GPC6: variants seen among roughly 807,000 people sequenced by gnomAD.
GPC6 encodes glypican 6.
In GPC6, 14 loss-of-function variants were observed where a neutral mutation model predicts 55.2. The ratio of observed to expected loss-of-function variants is 0.25; its 90% CI spans 0.17 to 0.40. The LOEUF (loss-of-function observed/expected upper bound fraction) is 0.40, where lower values mean the gene tolerates loss of function less well. Ranked by LOEUF, GPC6 falls within the 10% of genes least tolerant of loss-of-function variation. GPC6 has a pLI of 1.00. For synonymous variants in GPC6, 278 were observed against 259.6 expected, an observed-to-expected ratio of 1.07 and a Z score of -0.68; for missense variants, 641 against 708.5, an observed-to-expected ratio of 0.90 and a Z score of 1.08.
chr13:93,789,635 A>ATATATATAG, intron 2 of GPC6, among the ~76,000 whole-genome samples: 1 of 96,906 alleles, frequency 1.0e-5, no homozygotes, highest in African/African-American at 3.7e-5. Context: ...ATATATATAT[A>ATATATATAG]TATATATATA....
chr13:94,214,214 T>G (rs540899817), intron 4 of GPC6, among the ~76,000 whole-genome samples: 394 of 152,344 alleles, frequency 2.6e-3, no homozygotes, highest in African/African-American at 9.3e-3. Flanking sequence ...TCAGTTGTTC[T>G]GTTCCAAATG....
intron 4 of GPC6, among the ~76,000 whole-genome samples, chr13:94,052,413 A>G (rs555481237): frequency 1.3e-5 from 2 of 152,266 alleles, no homozygotes; most frequent in Admixed American, 1.3e-4. Context: ...GCCTAACGGT[A>G]TCATTATTGA....
At chr13:93,718,189 A>G (rs1207681202) in intron 2 of GPC6, among the ~76,000 whole-genome samples, 1 of 151,784 alleles carries the variant, frequency 6.6e-6, no homozygotes, top group African/African-American at 2.4e-5. Flanking sequence ...TTGCCACACT[A>G]TCTTCCACAA....
At chr13:93,454,861 G>A (rs1012610056) in intron 1 of GPC6, among the ~76,000 whole-genome samples, 1 of 152,250 alleles carries the variant, frequency 6.6e-6, no homozygotes, top group African/African-American at 2.4e-5. Context: ...GGAGGCTTGG[G>A]CCGCACAGGA....
intron 1 of GPC6, among the ~76,000 whole-genome samples, chr13:93,329,557 A>G (rs1481226267): frequency 1.3e-5 from 2 of 152,214 alleles, no homozygotes; most frequent in African/African-American, 4.8e-5. Context: ...TAAAGTTTCT[A>G]AGATTCAACT....
At chr13:93,807,832 A>G (rs1014039164) in intron 2 of GPC6, among the ~76,000 whole-genome samples, 2 of 152,232 alleles carry the variant, frequency 1.3e-5, no homozygotes, top group African/African-American at 4.8e-5. Context: ...ATACTTGAAC[A>G]TACTGGAAAC....
chr13:93,707,767 A>G (rs764082637), intron 2 of GPC6, among the ~76,000 whole-genome samples: 2 of 151,962 alleles, frequency 1.3e-5, no homozygotes, highest in African/African-American at 4.8e-5. Context: ...ACATTTAAGG[A>G]TTATATTTTA....
intron 2 of GPC6, among the ~76,000 whole-genome samples, chr13:93,791,503 T>G (rs561023663): frequency 6.6e-6 from 1 of 152,332 alleles, no homozygotes; most frequent in South Asian, 2.1e-4. Context: ...GAAACAAGGT[T>G]TATCACCAAT....
chr13:93,353,445 CTCG>C, intron 1 of GPC6, among the ~76,000 whole-genome samples: 1 of 152,240 alleles, frequency 6.6e-6, no homozygotes, highest in South Asian at 2.1e-4. Flanking sequence ...CCTGGTGTCC[CTCG>C]ATGAGCATCA....
chr13:93,995,817 T>C (rs1184713442), intron 3 of GPC6, among the ~76,000 whole-genome samples: 1 of 152,122 alleles, frequency 6.6e-6, no homozygotes, highest in African/African-American at 2.4e-5. Flanking sequence ...AGGAAATGAA[T>C]GTTTTTCTTG....
At chr13:93,284,243 C>T (rs145101164) in intron 1 of GPC6, among the ~76,000 whole-genome samples, 66 of 152,182 alleles carry the variant, frequency 4.3e-4, no homozygotes, top group East Asian at 1.4e-3. Context: ...CCTTAGGGCA[C>T]GGCAGCAGTG....
At position 93,319,135 on chromosome 13, in the gene GPC6, A is replaced by G. The variant is rs957781430; in HGVS notation, c.160+91519A>G. 2.6e-5 allele frequency among the ~76,000 whole-genome samples: 4 copies of G among 152,172 alleles called. No homozygotes were observed. The South Asian group carries it at 8.3e-4, about 31-fold the overall frequency. ...AGATTAGTGAAAGCTAATTTTCTGG[A>G]GAAACTGGCTCCAGAGGAAAGAGAT... On this transcript the variant is annotated intron_variant, in intron 1 of 8. Transcript: ENST00000377047.
chr13:93,988,760 A>T (rs1383159605), intron 3 of GPC6, among the ~76,000 whole-genome samples: 1 of 152,184 alleles, frequency 6.6e-6, no homozygotes, highest in East Asian at 1.9e-4. Flanking sequence ...TTAGGTTTTA[A>T]CATGGGGATT....
At chr13:94,383,405 A>C (rs1880264218) in intron 7 of GPC6, among the ~76,000 whole-genome samples, 2 of 152,200 alleles carry the variant, frequency 1.3e-5, no homozygotes, top group African/African-American at 2.4e-5. Flanking sequence ...AGTTTCAAGC[A>C]TATGAAGCAG....
chr13:93,899,446 A>G (rs757124294), intron 3 of GPC6, among the ~76,000 whole-genome samples: 18 of 142,662 alleles, frequency 1.3e-4, no homozygotes, highest in Non-Finnish European at 2.2e-4. Flanking sequence ...TGGATGAAGG[A>G]AAAAAAAAAA....
intron 4 of GPC6, among the ~76,000 whole-genome samples, chr13:94,156,439 T>A (rs887080891): frequency 6.6e-6 from 1 of 152,174 alleles, no homozygotes; most frequent in African/African-American, 2.4e-5. Flanking sequence ...GACATAGATA[T>A]ATAGATACTG....
chr13:94,261,547 G>A (rs1433134830), intron 4 of GPC6, among the ~76,000 whole-genome samples: 5 of 152,198 alleles, frequency 3.3e-5, no homozygotes, highest in Non-Finnish European at 7.3e-5. Context: ...ATGAAAAATG[G>A]ATTAATGGGT....
intron 7 of GPC6, among the ~76,000 whole-genome samples, chr13:94,394,681 G>A (rs1033370488): frequency 6.6e-6 from 1 of 152,338 alleles, no homozygotes; most frequent in African/African-American, 2.4e-5. Context: ...TACCTCTGGA[G>A]TGACAAAATG....
chr13:93,310,487 G>A lies in GPC6; in HGVS notation c.160+82871G>A, dbSNP rs188469984. 3.2e-3 allele frequency among the ~76,000 whole-genome samples: 493 copies of A among 152,244 alleles called. 1 individual carries two copies. Among genetic ancestry groups the A allele is most frequent in the Middle Eastern group, 6.8e-3 (2 of 294 alleles). On this transcript the variant is annotated intron_variant, in intron 1 of 8. Coordinates refer to ENST00000377047, the MANE Select transcript of GPC6 (RefSeq NM_005708.5). ...ATTCACATTTCTGTATTACCATGTC[G>A]AGTGGTTGTCATGAACTTGTAGTGA...
Sources: gnomAD v4.1 joint callset for allele counts (sites outside exome capture counted in the v4.1 genomes callset) on GRCh38, gnomAD v4.1.1 for gene constraint, MANE v1.5 for transcripts, NCBI Gene and HGNC (gene_info 2026-07-23, HGNC 2026-07-21) for gene names.